The following FGF14 variants were observed in gnomAD, a reference collection of about 807,000 sequenced individuals.
FGF14 encodes fibroblast growth factor homologous factor 4.
A neutral mutation model predicts 25.5 loss-of-function variants in FGF14; 5 were observed. The ratio of observed to expected loss-of-function variants is 0.20; its 90% CI spans 0.10 to 0.41. The LOEUF (loss-of-function observed/expected upper bound fraction) is 0.41. FGF14 is among the 10% of genes least tolerant of loss of function. The pLI is 1.00. For synonymous variants in FGF14, 138 were observed against 118.3 expected (o/e 1.17, Z -1.08); for missense variants, 222 against 320.1 (o/e 0.69, Z 2.34).
At chr13:102,007,267 G>T (rs1250084769) in intron 1 of FGF14, among the ~76,000 whole-genome samples, 1 of 152,206 alleles carries the variant, frequency 6.6e-6, no homozygotes. Context: ...AACCTCAGTT[G>T]TGATGATCTC....
At chr13:101,765,639 A>G (rs2038333459) in intron 3 of FGF14, among the ~76,000 whole-genome samples, 1 of 152,138 alleles carries the variant, frequency 6.6e-6, no homozygotes. Context: ...TTGTGAAATG[A>G]AGACCACATA....
intron 1 of FGF14, among the ~76,000 whole-genome samples, chr13:102,119,840 C>T (rs1235098314): frequency 6.6e-6 from 1 of 152,120 alleles, no homozygotes; most frequent in Non-Finnish European, 1.5e-5. Flanking sequence ...ACACTTTTAT[C>T]ACAAAAATCA....
At chr13:101,807,401 C>T (rs2041262392) in intron 3 of FGF14, among the ~76,000 whole-genome samples, 1 of 152,000 alleles carries the variant, frequency 6.6e-6, no homozygotes, top group Non-Finnish European at 1.5e-5. Context: ...TATAATGTTT[C>T]CTGGAATTGG....
At chr13:101,778,578 T>C (rs1220493749) in intron 3 of FGF14, among the ~76,000 whole-genome samples, 1 of 152,166 alleles carries the variant, frequency 6.6e-6, no homozygotes, top group Non-Finnish European at 1.5e-5. Flanking sequence ...GGTCACTGGC[T>C]GTAACATCCT....
chr13:101,890,024 A>G (rs1338034969), intron 1 of FGF14, among the ~76,000 whole-genome samples: 2 of 152,192 alleles, frequency 1.3e-5, no homozygotes, highest in African/African-American at 2.4e-5. Flanking sequence ...TTCCCTAATT[A>G]TGATATTGTA....
chr13:101,887,396 T>C (rs12100146), intron 1 of FGF14, among the ~76,000 whole-genome samples: 93 of 151,944 alleles, frequency 6.1e-4, no homozygotes, highest in Middle Eastern at 3.4e-3. Flanking sequence ...ATTTATATAA[T>C]ATACAATGAA....
intron 3 of FGF14, among the ~76,000 whole-genome samples, chr13:101,730,234 A>G (rs922440209): frequency 6.6e-6 from 1 of 152,204 alleles, no homozygotes; most frequent in Admixed American, 6.5e-5. Flanking sequence ...AAAGTTAAGA[A>G]CATGTCGTAC....
chr13:102,032,512 G>A (rs574880353), intron 1 of FGF14, among the ~76,000 whole-genome samples: 1 of 152,236 alleles, frequency 6.6e-6, no homozygotes, highest in African/African-American at 2.4e-5. Context: ...TAATGACATA[G>A]TTTTTATCTT....
chr13:102,005,598 T>C (rs2039741454), intron 1 of FGF14, among the ~76,000 whole-genome samples: 1 of 152,118 alleles, frequency 6.6e-6, no homozygotes. Context: ...TGCTGAGAGT[T>C]CCAAAGTCAT....
At chr13:102,184,635 A>G (rs2048806788) in intron 1 of FGF14, among the ~76,000 whole-genome samples, 1 of 152,178 alleles carries the variant, frequency 6.6e-6, no homozygotes, top group Non-Finnish European at 1.5e-5. Flanking sequence ...AAATAATGCG[A>G]ATTAAATCAA....
At chr13:102,167,879 T>C (rs1039506189) in intron 1 of FGF14, among the ~76,000 whole-genome samples, 2 of 151,814 alleles carry the variant, frequency 1.3e-5, no homozygotes, top group African/African-American at 2.4e-5. Flanking sequence ...AAATATAATG[T>C]AACCTTTAGG....
intron 1 of FGF14, among the ~76,000 whole-genome samples, chr13:102,283,488 G>C (rs1362376600): frequency 1.3e-5 from 2 of 152,194 alleles, no homozygotes; most frequent in African/African-American, 4.8e-5. Flanking sequence ...CTAGAAGGAA[G>C]TGTTTTACCA....
chr13:102,282,730 C>T (rs191619399), intron 1 of FGF14, among the ~76,000 whole-genome samples: 1 of 152,190 alleles, frequency 6.6e-6, no homozygotes, highest in African/African-American at 2.4e-5. Context: ...ATATTAGAAA[C>T]ACTTCACACC....
chr13:101,923,691 T>C (rs755774449), intron 1 of FGF14, among the ~76,000 whole-genome samples: 5 of 152,098 alleles, frequency 3.3e-5, no homozygotes, highest in Admixed American at 1.3e-4. Flanking sequence ...ATTGCATTAA[T>C]GTTATAACAG....
At chr13:101,844,164 AAC>A (rs2043330300) in intron 3 of FGF14, among the ~76,000 whole-genome samples, 3 of 152,042 alleles carry the variant, frequency 2.0e-5, no homozygotes, top group Admixed American at 2.0e-4. Context: ...TCTAAAATGC[AAC>A]AGTCTTAAAA....
intron 1 of FGF14, among the ~76,000 whole-genome samples, chr13:102,240,186 A>G: frequency 6.6e-6 from 1 of 152,180 alleles, no homozygotes; most frequent in East Asian, 1.9e-4. Flanking sequence ...CAGATAACAT[A>G]TATAACTCTC....
chr13:102,157,898 C>T (rs1594195476), intron 1 of FGF14, among the ~76,000 whole-genome samples: 1 of 152,282 alleles, frequency 6.6e-6, no homozygotes, highest in East Asian at 1.9e-4. Context: ...GACATTTATG[C>T]AGCCAAAAGA....
chr13:102,335,282 C>G (rs943969948), intron 1 of FGF14, among the ~76,000 whole-genome samples: 6 of 152,146 alleles, frequency 3.9e-5, no homozygotes, highest in African/African-American at 1.4e-4. Flanking sequence ...ATTCTTTGAT[C>G]ATTTCAATAC....
intron 1 of FGF14, among the ~76,000 whole-genome samples, chr13:102,106,579 AGAGGGAGGGAGGGAGG>A (rs57979180): frequency 2.4e-5 from 3 of 127,626 alleles, no homozygotes; most frequent in African/African-American, 6.1e-5. Context: ...CTGTCGAAAA[AGAGGGAGGGAGGGAGG>A]GAGGGAGGGA....
Sources: gnomAD v4.1 joint callset for allele counts (sites outside exome capture counted in the v4.1 genomes callset) on GRCh38, gnomAD v4.1.1 for gene constraint, MANE v1.5 for transcripts, NCBI Gene and HGNC (gene_info 2026-07-23, HGNC 2026-07-21) for gene names.